The following C12orf42 variants were observed in gnomAD, a reference collection of about 807,000 sequenced individuals.
C12orf42 encodes chromosome 12 open reading frame 42.
C12orf42 carries 25 observed loss-of-function variants against 21.6 expected under a neutral mutation model. The ratio of observed to expected loss-of-function variants is 1.16; its 90% CI spans 0.84 to 1.62. The LOEUF is 1.62. Among genes scored for constraint, C12orf42 ranks in the 40% most tolerant of loss-of-function variants. The pLI is 0.00. For missense variants in C12orf42, 483 were observed against 459.3 expected (o/e 1.05, Z -0.47); for synonymous variants, 174 against 175.0 (o/e 0.99, Z 0.05).
At chr12:103,293,476 C>T (rs1274122829) in intron 4 of C12orf42, among the ~76,000 whole-genome samples, 1 of 152,114 alleles carries the variant, frequency 6.6e-6, no homozygotes, top group Non-Finnish European at 1.5e-5. Context: ...ACTATTTTGT[C>T]CCTTCAAATC....
At chr12:103,341,406 A>G (rs183055408) in intron 4 of C12orf42, among the ~76,000 whole-genome samples, 2 of 152,240 alleles carry the variant, frequency 1.3e-5, no homozygotes, top group Admixed American at 1.3e-4. Context: ...GAAGTCCAAT[A>G]CATGCACAAT....
At chr12:103,204,937 A>T in the C12orf42 span, among the ~76,000 whole-genome samples, 1 of 140,992 alleles carries the variant, frequency 7.1e-6, no homozygotes, top group Non-Finnish European at 1.7e-5. Context: ...AGAGAAAGTT[A>T]AAAAAAGGGC....
the C12orf42 span, among the ~76,000 whole-genome samples, chr12:103,191,519 C>A: frequency 9.8e-6 from 1 of 101,864 alleles, no homozygotes; most frequent in Non-Finnish European, 1.8e-5. Flanking sequence ...ACCAGCTGGG[C>A]AACATGGTGA....
chr12:103,126,153 G>GA, the C12orf42 span, among the ~76,000 whole-genome samples: 18 of 152,178 alleles, frequency 1.2e-4, no homozygotes, highest in African/African-American at 4.3e-4. Context: ...GCAGCACAAG[G>GA]AAGAAATCTA....
At chr12:103,230,083 A>T in the C12orf42 span, among the ~76,000 whole-genome samples, 1 of 152,260 alleles carries the variant, frequency 6.6e-6, no homozygotes, top group Non-Finnish European at 1.5e-5. Context: ...ATCAAATATT[A>T]ATTACATTGA....
At chr12:103,464,684 T>G (rs2137744369) in intron 2 of C12orf42, among the ~76,000 whole-genome samples, 1 of 152,268 alleles carries the variant, frequency 6.6e-6, no homozygotes, top group African/African-American at 2.4e-5. Flanking sequence ...TCTTCTAGGG[T>G]TTTTATAGTT....
chr12:103,054,132 G>T, the C12orf42 span, among the ~76,000 whole-genome samples: 1 of 151,726 alleles, frequency 6.6e-6, no homozygotes, highest in African/African-American at 2.4e-5. Flanking sequence ...AAATCTTACT[G>T]GGATTTTGAT....
At chr12:103,049,719 T>G in the C12orf42 span, among the ~76,000 whole-genome samples, 1 of 152,320 alleles carries the variant, frequency 6.6e-6, no homozygotes, top group East Asian at 1.9e-4. Context: ...TTGCTGACCC[T>G]GGGACACACA....
chr12:103,056,565 C>T, the C12orf42 span, among the ~76,000 whole-genome samples: 2 of 152,138 alleles, frequency 1.3e-5, no homozygotes, highest in East Asian at 1.9e-4. Flanking sequence ...CCTTCCATGA[C>T]TCTGAAGACA....
At chr12:103,223,089 C>A in the C12orf42 span, among the ~76,000 whole-genome samples, 538 of 152,168 alleles carry the variant, frequency 3.5e-3, 3 homozygotes, top group African/African-American at 0.013. Context: ...TCTTCCTCAA[C>A]AACATATGTT....
At chr12:103,091,720 A>T in the C12orf42 span, among the ~76,000 whole-genome samples, 2 of 152,162 alleles carry the variant, frequency 1.3e-5, no homozygotes, top group Non-Finnish European at 2.9e-5. Flanking sequence ...TTTAAAAGAC[A>T]TTTGGGGTTT....
intron 10 of C12orf42, among the ~76,000 whole-genome samples, chr12:103,241,583 G>T (rs987507330): frequency 1.3e-5 from 2 of 152,150 alleles, no homozygotes; most frequent in African/African-American, 4.8e-5. Flanking sequence ...TGTGACCATT[G>T]GCTGGTCATT....
intron 4 of C12orf42, among the ~76,000 whole-genome samples, chr12:103,326,722 T>C (rs2040751143): frequency 6.6e-6 from 1 of 152,242 alleles, no homozygotes; most frequent in African/African-American, 2.4e-5. Context: ...ACAAAACTTA[T>C]GTCCTCAGAG....
At chr12:103,503,254 T>C in the C12orf42 span, 1 of 152,210 alleles carries the variant, frequency 6.6e-6, no homozygotes, top group African/African-American at 2.4e-5. Context: ...TTAAAATATT[T>C]GGTGAACTGG....
chr12:103,398,930 A>G (rs1194245229), intron 3 of C12orf42, among the ~76,000 whole-genome samples: 4 of 152,136 alleles, frequency 2.6e-5, no homozygotes, highest in African/African-American at 7.2e-5. Context: ...CTGAAAGATC[A>G]TAACTTGATC....
At chr12:103,395,333 ATTC>A (rs1294293802) in intron 3 of C12orf42, among the ~76,000 whole-genome samples, 2 of 147,556 alleles carry the variant, frequency 1.4e-5, no homozygotes, top group Non-Finnish European at 3.0e-5. Flanking sequence ...TAGACCCATT[ATTC>A]TTTTTTTTTT....
At chr12:103,128,384 G>A in the C12orf42 span, among the ~76,000 whole-genome samples, 1 of 152,198 alleles carries the variant, frequency 6.6e-6, no homozygotes, top group African/African-American at 2.4e-5. Flanking sequence ...ACCATTATAT[G>A]GGGGGAGGGG....
At chr12:103,054,212 C>T in the C12orf42 span, among the ~76,000 whole-genome samples, 14 of 151,800 alleles carry the variant, frequency 9.2e-5, no homozygotes, top group African/African-American at 3.4e-4. Context: ...GTCTTTCAAT[C>T]CATGATCATG....
chr12:103,556,146 C>A, the C12orf42 span, among the ~76,000 whole-genome samples: 1 of 152,166 alleles, frequency 6.6e-6, no homozygotes, highest in South Asian at 2.1e-4. Context: ...TGGAGTCACC[C>A]ACCCCTGGGT....
Sources: gnomAD v4.1 joint callset for allele counts (sites outside exome capture counted in the v4.1 genomes callset) on GRCh38, gnomAD v4.1.1 for gene constraint, MANE v1.5 for transcripts, NCBI Gene and HGNC (gene_info 2026-07-23, HGNC 2026-07-21) for gene names.